Variants in SH2B3 observed in about 807,000 individuals in gnomAD.
SH2B3 encodes SH2B adapter protein 3.
A neutral mutation model predicts 51.9 loss-of-function variants in SH2B3; 43 were observed. The observed-to-expected ratio is 0.83, with a 90% confidence interval of 0.65 to 1.07. The LOEUF is 1.07. SH2B3 is among the 50% of genes least tolerant of loss of function. SH2B3 has a pLI of 0.00. For missense variants in SH2B3, 952 were observed against 834.3 expected (o/e 1.14, Z -1.74); for synonymous variants, 396 against 376.0 (o/e 1.05, Z -0.62).
intron 1 of SH2B3, among the ~76,000 whole-genome samples, chr12:111,414,291 G>A (rs1258329607): frequency 6.6e-6 from 1 of 152,174 alleles, no homozygotes; most frequent in African/African-American, 2.4e-5. Context: ...ACCCTGTGAT[G>A]TACAAAACTG....
chr12:111,447,329 G>C lies in SH2B3; in HGVS notation c.1022-1G>C. On this transcript the variant is annotated splice_acceptor_variant, in intron 5 of 7. Coordinates refer to ENST00000341259, the MANE Select transcript of SH2B3 (RefSeq NM_005475.3). LOFTEE classifies it high-confidence loss of function. ...CCACCATCACCCATCTTATCTAACA[G>C]GTGCTTCTCCTGGGGGGCTGCTGGA... is the stretch of plus-strand genomic sequence containing the variant. 1 of 1,613,270 alleles carries C rather than the reference G, an allele frequency of 6.2e-7. No homozygotes were observed. The highest frequency in any genetic ancestry group is 8.5e-7 in the Non-Finnish European group (1 of 1,179,340).
In SH2B3 at chr12:111,430,221, C is replaced by T. The variant is rs1311736853; in HGVS notation, c.732+11344C>T. ...GGGGGTTGGGCAGGGCTCCTGCGGC[C>T]CCAGCCACACACACTGCCGCCCCAT... On this transcript the variant is annotated intron_variant, in intron 2 of 7. Coordinates refer to ENST00000341259, the MANE Select transcript of SH2B3 (RefSeq NM_005475.3). 5.3e-5 allele frequency among the ~76,000 whole-genome samples: 8 copies of T among 152,302 alleles called. No homozygotes were observed. In the East Asian group the frequency reaches 1.5e-3, roughly 29 times the overall value.
At position 111,406,150 on chromosome 12, in the gene SH2B3, C is replaced by G. The variant is rs974864425; in HGVS notation, c.-155C>G. 10 of 151,900 alleles carry G rather than the reference C, an allele frequency of 6.6e-5. No homozygotes were observed. The highest frequency in any genetic ancestry group is 1.5e-4 in the Non-Finnish European group (10 of 67,922). The allele number at this position is 151,900 out of a possible 1,614,324, so 9.4% of individuals were successfully genotyped here. A position where few individuals can be genotyped will look rare whatever the true frequency, so the allele number is the denominator to read the frequency against. ...GCCTGAGCCCCGCTCGAGCGAGCCG[C>G]GAGCGAGGAGCCGGCGGGCGGGAGA... On this transcript the variant is annotated 5_prime_UTR_variant, in exon 1 of 8. Transcript: ENST00000341259. The surrounding 1 kb of genome is among the most constrained non-coding windows in gnomAD (Gnocchi z 5.7).
chr12:111,412,566 C>T (rs574169448), intron 1 of SH2B3, among the ~76,000 whole-genome samples: 7 of 152,262 alleles, frequency 4.6e-5, no homozygotes, highest in African/African-American at 1.7e-4. Context: ...ACACTGCAGA[C>T]ATCAGTTCTT....
chr12:111,435,203 G>C lies in SH2B3; in HGVS notation c.733-11550G>C, dbSNP rs562393934. On this transcript the variant is annotated intron_variant, in intron 2 of 7. Transcript: ENST00000341259. This position sits in a 1 kb window ranked among gnomAD's most constrained non-coding sequence, Gnocchi z 4.8. The stretch of plus-strand genomic sequence containing the variant: ...GCAGATGCTTGGCCGGGGCTTCCCC[G>C]AGCTGGTCCTGGCTTTGTGGCAGGG... Among the ~76,000 whole-genome samples, 1 of 152,312 alleles carries C rather than the reference G, an allele frequency of 6.6e-6. No homozygotes were observed. The highest frequency in any genetic ancestry group is 2.1e-4 in the South Asian group (1 of 4,822).
chr12:111,423,572 G>A (rs1338994248), intron 2 of SH2B3, among the ~76,000 whole-genome samples: 3 of 152,172 alleles, frequency 2.0e-5, no homozygotes, highest in South Asian at 2.1e-4. Flanking sequence ...GGGTTTCACC[G>A]TGTTAGCCCG....
chr12:111,426,385 CTT>C (rs796965805), intron 2 of SH2B3, among the ~76,000 whole-genome samples: 25 of 136,020 alleles, frequency 1.8e-4, no homozygotes, highest in African/African-American at 4.7e-4. Flanking sequence ...TTTCTTTTAT[CTT>C]TTTTTTTTTT....
Position 111,410,468 on chromosome 12 carries a change from G to A in SH2B3, c.-28+4191G>A, listed in dbSNP as rs546466351. On this transcript the variant is annotated intron_variant, in intron 1 of 7. Coordinates refer to ENST00000341259, the MANE Select transcript of SH2B3 (RefSeq NM_005475.3). The surrounding 1 kb of genome is among the most constrained non-coding windows in gnomAD (Gnocchi z 4.9). The stretch of plus-strand genomic sequence containing the variant: ...AAGGAAGAAGCCACGGCCTTGGGAT[G>A]GGGGGCGTGCGGGATTCTGATGGTG... 9.2e-5 allele frequency among the ~76,000 whole-genome samples: 14 copies of A among 152,282 alleles called. No homozygotes were observed. In the South Asian group the frequency reaches 2.7e-3, roughly 29 times the overall value.
Position 111,447,553 on chromosome 12 carries a change from TGGGGTG to T in SH2B3, c.1236+13_1236+18del, listed in dbSNP as rs1874130499. ...TTCAGGGGATAGCCAAGGTATGGGG[TGGGGTG>T]GGGTGGGGTGGGGCAGGCAGGACCG... is the stretch of plus-strand genomic sequence containing the variant. On this transcript the variant is annotated intron_variant, in intron 6 of 7. Coordinates refer to ENST00000341259, the MANE Select transcript of SH2B3 (RefSeq NM_005475.3). 5.3e-5 allele frequency: 10 copies of T among 188,590 alleles called. No individual in the cohort carries two copies. The highest frequency in any genetic ancestry group is 1.0e-4 in the Non-Finnish European group (10 of 96,774). 11.7% of individuals were successfully genotyped at this position (188,590 alleles called of 1,614,324 possible). A position where few individuals can be genotyped will look rare whatever the true frequency, so the allele number is the denominator to read the frequency against.
intron 3 of SH2B3, 24 bp from the exon 4 acceptor site, chr12:111,446,918 C>T: frequency 6.2e-7 from 1 of 1,610,176 alleles, no homozygotes; most frequent in Non-Finnish European, 8.5e-7. Flanking sequence ...GCAGACCCAA[C>T]CCTGTTCCCT....
intron 2 of SH2B3, among the ~76,000 whole-genome samples, chr12:111,439,748 T>G (rs1449301071): frequency 6.6e-6 from 1 of 152,030 alleles, no homozygotes; most frequent in Non-Finnish European, 1.5e-5. Context: ...GGGGTGGAAA[T>G]AGCTAATTCT....
chr12:111,450,366 C>T lies in SH2B3; in HGVS notation c.*2064C>T, dbSNP rs1164750385. ...AGCAGCTTTCTCTGGAAAATGAATG[C>T]TAATTAGTGTGAACCAAAAGAGTAA... On this transcript the variant is annotated 3_prime_UTR_variant, in exon 8 of 8. Transcript: ENST00000341259. The T allele has an allele frequency of 3.3e-5, 5 of 152,196 alleles. No homozygotes were observed. Among genetic ancestry groups the T allele is most frequent in the African/African-American group, 1.2e-4 (5 of 41,440 alleles). 9.4% of individuals were successfully genotyped at this position (152,196 alleles called of 1,614,324 possible). A position where few individuals can be genotyped will look rare whatever the true frequency, so the allele number is the denominator to read the frequency against.
chr12:111,426,899 C>T (rs1872047253), intron 2 of SH2B3, among the ~76,000 whole-genome samples: 1 of 152,120 alleles, frequency 6.6e-6, no homozygotes, highest in African/African-American at 2.4e-5. Context: ...CAAGGGGCCC[C>T]TAACCCCAAG....
intron 2 of SH2B3, among the ~76,000 whole-genome samples, chr12:111,425,745 C>G (rs559958948): frequency 6.6e-6 from 1 of 152,268 alleles, no homozygotes; most frequent in South Asian, 2.1e-4. Context: ...CCTGTGGTCT[C>G]CCAGCTCAGG....
At chr12:111,425,254 T>G (rs1871900366) in intron 2 of SH2B3, among the ~76,000 whole-genome samples, 1 of 150,312 alleles carries the variant, frequency 6.7e-6, no homozygotes, top group South Asian at 2.1e-4. Flanking sequence ...CTGCCAGGGG[T>G]GGGGGTGTGG....
Position 111,418,235 on chromosome 12 carries a change from TGAGTTGCACGCCGTAGCGGCGGCCC to T in SH2B3, c.92_116del (p.Glu31GlyfsTer158). On this transcript the variant is annotated frameshift_variant, in exon 2 of 8. Coordinates refer to ENST00000341259, the MANE Select transcript of SH2B3 (RefSeq NM_005475.3). LOFTEE classifies it high-confidence loss of function. This position sits in a 1 kb window ranked among gnomAD's most constrained non-coding sequence, Gnocchi z 6.7. ...CCCCGCGGGGCTGGAGCGAGTTCTG[TGAGTTGCACGCCGTAGCGGCGGCCC>T]GGGAGCTGGCCCGCCAGTACTGGCT... 6.4e-7 allele frequency: 1 copy of T among 1,574,716 alleles called. No individual in the cohort carries two copies. The highest frequency in any genetic ancestry group is 8.5e-7 in the Non-Finnish European group (1 of 1,169,726).
chr12:111,415,933 G>GTATT lies in SH2B3; in HGVS notation c.-27-2163_-27-2160dup, dbSNP rs751252480. On this transcript the variant is annotated intron_variant, in intron 1 of 7. Coordinates refer to ENST00000341259, the MANE Select transcript of SH2B3 (RefSeq NM_005475.3). ...AGCTGCCCCCGGCCCATTTATTTAT[G>GTATT]TATTTATTTATTTATTTATTTATTT... is the stretch of plus-strand genomic sequence containing the variant. Among the ~76,000 whole-genome samples the GTATT allele has an allele frequency of 9.4e-4, 142 of 150,926 alleles. 2 individuals are homozygous for GTATT. Among genetic ancestry groups the GTATT allele is most frequent in the Middle Eastern group, 3.4e-3 (1 of 290 alleles).
intron 2 of SH2B3, among the ~76,000 whole-genome samples, chr12:111,422,110 C>T (rs912011243): frequency 2.6e-5 from 4 of 152,224 alleles, no homozygotes; most frequent in Non-Finnish European, 5.9e-5. Flanking sequence ...GACGGAGTCT[C>T]GCTCTGTTGC....
Position 111,449,646 on chromosome 12 carries a change from G to A in SH2B3, c.*1344G>A, listed in dbSNP as rs545874198. ...CTCAGAAACGGGGGCAGTGACAGTG[G>A]AGTCAGCTGCTCTTGGGTGCCAGCA... On this transcript the variant is annotated 3_prime_UTR_variant, in exon 8 of 8. Coordinates refer to ENST00000341259, the MANE Select transcript of SH2B3 (RefSeq NM_005475.3). 2.0e-5 allele frequency: 3 copies of A among 152,500 alleles called. No individual in the cohort carries two copies. Among genetic ancestry groups the A allele is most frequent in the Non-Finnish European group, 4.4e-5 (3 of 68,158 alleles). The allele number at this position is 152,500 out of a possible 1,614,324, so 9.4% of individuals were successfully genotyped here.
Sources: allele counts gnomAD v4.1 joint callset (sites outside exome capture counted in the v4.1 genomes callset), GRCh38; gene constraint gnomAD v4.1.1; non-coding constraint Gnocchi (gnomAD v3.1); transcripts MANE v1.5; gene names NCBI Gene and HGNC (gene_info 2026-07-23, HGNC 2026-07-21).